The following PTPRD variants were observed in gnomAD, a reference collection of about 807,000 sequenced individuals.
PTPRD encodes protein tyrosine phosphatase receptor type D.
Under a neutral mutation model 214.5 loss-of-function variants are expected in PTPRD, and 34 were observed. That is an observed-to-expected ratio of 0.16 (90% CI 0.12 to 0.21). The LOEUF (loss-of-function observed/expected upper bound fraction) is 0.21, where lower values mean the gene tolerates loss of function less well. PTPRD is among the 10% of genes least tolerant of loss of function. The pLI, the probability that PTPRD is intolerant of heterozygous loss-of-function variation, is 1.00. For synonymous variants in PTPRD, 1,128 were observed against 845.7 expected, an observed-to-expected ratio of 1.33 and a Z score of -5.79; for missense variants, 2,545 against 2,398.7, an observed-to-expected ratio of 1.06 and a Z score of -1.27.
intron 10 of PTPRD, among the ~76,000 whole-genome samples, chr9:9,058,614 T>C (rs1485064239): frequency 1.6e-4 from 24 of 149,348 alleles, no homozygotes; most frequent in Non-Finnish European, 2.8e-4. Flanking sequence ...CTCGCCCGGC[T>C]AATTTTTTGT....
intron 4 of PTPRD, among the ~76,000 whole-genome samples, chr9:9,962,605 T>G (rs751374031): frequency 6.6e-5 from 10 of 152,092 alleles, no homozygotes; most frequent in Non-Finnish European, 1.2e-4. Context: ...CAACATTATT[T>G]CAGTTGTCTA....
At chr9:9,085,703 GCCA>G (rs1370159691) in intron 10 of PTPRD, among the ~76,000 whole-genome samples, 4 of 151,144 alleles carry the variant, frequency 2.6e-5, no homozygotes, top group African/African-American at 9.8e-5. Context: ...TTGTCGGTTT[GCCA>G]CCTCATTGCC....
chr9:8,684,911 T>G (rs2154375763), intron 12 of PTPRD, among the ~76,000 whole-genome samples: 1 of 152,236 alleles, frequency 6.6e-6, no homozygotes, highest in Non-Finnish European at 1.5e-5. Context: ...ATTCACAAAC[T>G]TCACAATCCT....
At chr9:9,539,070 A>G (rs1280584885) in intron 8 of PTPRD, among the ~76,000 whole-genome samples, 1 of 151,900 alleles carries the variant, frequency 6.6e-6, no homozygotes, top group Non-Finnish European at 1.5e-5. Context: ...GCACAAGATA[A>G]TTTCACATAA....
intron 2 of PTPRD, among the ~76,000 whole-genome samples, chr9:10,605,356 TA>T (rs913350002): frequency 1.5e-4 from 23 of 152,028 alleles, no homozygotes; most frequent in African/African-American, 4.8e-4. Flanking sequence ...GCATAGACTG[TA>T]AACTGCTGCA....
chr9:8,718,571 A>G (rs753718628), intron 12 of PTPRD, among the ~76,000 whole-genome samples: 2 of 152,198 alleles, frequency 1.3e-5, no homozygotes, highest in African/African-American at 2.4e-5. Context: ...AGTTTACACC[A>G]TAGTTGAATA....
chr9:8,490,465 G>A (rs1049688793), intron 27 of PTPRD, among the ~76,000 whole-genome samples: 1 of 151,970 alleles, frequency 6.6e-6, no homozygotes. Context: ...GACTAGACTT[G>A]GGCTAATATT....
chr9:8,664,214 A>G (rs2097126631), intron 12 of PTPRD, among the ~76,000 whole-genome samples: 1 of 152,234 alleles, frequency 6.6e-6, no homozygotes, highest in Non-Finnish European at 1.5e-5. Flanking sequence ...CAAGATTCAT[A>G]TCAGAATCTT....
intron 12 of PTPRD, among the ~76,000 whole-genome samples, chr9:8,645,122 G>A (rs2096659613): frequency 6.6e-6 from 1 of 152,174 alleles, no homozygotes; most frequent in South Asian, 2.1e-4. Context: ...TATACTGATT[G>A]TCTTCTCAAG....
intron 9 of PTPRD, among the ~76,000 whole-genome samples, chr9:9,214,785 T>C (rs1213708750): frequency 2.0e-5 from 3 of 152,212 alleles, no homozygotes; most frequent in South Asian, 4.1e-4. Context: ...TACTGTGTGG[T>C]TGGCACTATA....
intron 33 of PTPRD, among the ~76,000 whole-genome samples, chr9:8,453,541 G>A (rs772079316): frequency 8.5e-5 from 13 of 152,288 alleles, no homozygotes; most frequent in South Asian, 2.1e-4. Context: ...TATTTTGCAC[G>A]TGTTTTTCTG....
rs537374520 is a variant in PTPRD, at chr9:10,228,749, A to G, written c.-545+112214T>C. 8.7e-5 allele frequency among the ~76,000 whole-genome samples: 13 copies of G among 149,436 alleles called. No individual in the cohort carries two copies. The South Asian group carries it at 2.3e-3, about 26-fold the overall frequency. On this transcript the variant is annotated intron_variant, in intron 3 of 45. Coordinates refer to ENST00000381196, the MANE Select transcript of PTPRD (RefSeq NM_002839.4). The stretch of plus-strand genomic sequence containing the variant: ...AAATTACATATATGTTATATAATAT[A>G]TAACATCATTTCATATATGTATAAA...
chr9:9,626,127 TA>T (rs974145220), intron 7 of PTPRD, among the ~76,000 whole-genome samples: 12 of 152,308 alleles, frequency 7.9e-5, no homozygotes, highest in African/African-American at 2.6e-4. Flanking sequence ...GGTCTAGAAT[TA>T]AAAAGTTCAA....
intron 8 of PTPRD, among the ~76,000 whole-genome samples, chr9:9,470,723 G>A (rs186228345): frequency 3.4e-4 from 52 of 152,180 alleles, no homozygotes; most frequent in Admixed American, 2.0e-3. Context: ...GGATTGTTTT[G>A]GTATTCAGGG....
chr9:8,336,483 T>TAAAAAAA (rs200451219), intron 43 of PTPRD, among the ~76,000 whole-genome samples: 20,273 of 141,234 alleles, frequency 0.14, 553 homozygotes, highest in East Asian at 0.29. Flanking sequence ...TGTAAAATGA[T>TAAAAAAA]GAAAACCCCT....
intron 8 of PTPRD, among the ~76,000 whole-genome samples, chr9:9,510,735 A>G (rs552967400): frequency 6.6e-6 from 1 of 151,304 alleles, no homozygotes; most frequent in South Asian, 2.1e-4. Flanking sequence ...TGATCTCTTC[A>G]GGCATAATCA....
intron 3 of PTPRD, among the ~76,000 whole-genome samples, chr9:10,273,730 T>TGTAGTCAA (rs2094535944): frequency 6.6e-6 from 1 of 152,086 alleles, no homozygotes. Flanking sequence ...ATTTCTGGTG[T>TGTAGTCAA]GTAGTCAAGT....
intron 4 of PTPRD, among the ~76,000 whole-genome samples, chr9:9,999,149 A>C (rs2096248110): frequency 6.6e-6 from 1 of 152,168 alleles, no homozygotes; most frequent in South Asian, 2.1e-4. Flanking sequence ...TATTAGTGAA[A>C]ACTCTCACTT....
intron 2 of PTPRD, among the ~76,000 whole-genome samples, chr9:10,506,718 C>T (rs2046106358): frequency 6.6e-6 from 1 of 152,264 alleles, no homozygotes; most frequent in Non-Finnish European, 1.5e-5. Context: ...CAATCAGTGA[C>T]ATTTCTTCAG....
Sources: allele counts gnomAD v4.1 joint callset (sites outside exome capture counted in the v4.1 genomes callset), GRCh38; gene constraint gnomAD v4.1.1; transcripts MANE v1.5; gene names NCBI Gene and HGNC (gene_info 2026-07-23, HGNC 2026-07-21).